Variants in ENPP3 observed in about 807,000 individuals in gnomAD.
ENPP3 encodes ectonucleotide pyrophosphatase/phosphodiesterase family member 3.
Under a neutral mutation model 117.8 loss-of-function variants are expected in ENPP3, and 104 were observed. The observed-to-expected ratio is 0.88, with a 90% confidence interval of 0.75 to 1.04. The LOEUF is 1.04. Among genes scored for constraint, ENPP3 ranks in the 50% least tolerant of loss-of-function variants. ENPP3 has a pLI of 0.00. For missense variants in ENPP3, 1,026 were observed against 1,051.9 expected, an observed-to-expected ratio of 0.98 and a Z score of 0.34; for synonymous variants, 380 against 349.9, an observed-to-expected ratio of 1.09 and a Z score of -0.96.
intron 11 of ENPP3, among the ~76,000 whole-genome samples, chr6:131,679,196 G>A (rs1271415834): frequency 6.6e-6 from 1 of 151,370 alleles, no homozygotes; most frequent in African/African-American, 2.4e-5. Flanking sequence ...CCGGATTCAA[G>A]CAGTTCTCCT....
At chr6:131,660,317 T>G (rs555289237) in intron 6 of ENPP3, among the ~76,000 whole-genome samples, 6 of 152,230 alleles carry the variant, frequency 3.9e-5, no homozygotes, top group Admixed American at 6.5e-5. Flanking sequence ...CTGCCTGAGT[T>G]GGGCCACCAT....
At chr6:131,675,296 A>C in intron 9 of ENPP3, 107 bp downstream of exon 9, 2 of 694,682 alleles carry the variant, frequency 2.9e-6, no homozygotes, top group Non-Finnish European at 5.1e-6. Context: ...TAAGCCAAAA[A>C]TCTTGGGAAT....
Position 131,722,236 on chromosome 6 carries a change from G to T in ENPP3, c.1577G>T (p.Arg526Leu), listed in dbSNP as rs370856361. 5 of 1,610,568 alleles carry T rather than the reference G, an allele frequency of 3.1e-6. No individual in the cohort carries two copies. Among genetic ancestry groups the T allele is most frequent in the Non-Finnish European group, 3.4e-6 (4 of 1,178,882 alleles). ...TTTTTTCAAAAAACAGATCTTCTAC[G>T]CATTCAACCAGCACCAAACAATGGA... ...EVYNLMCDLL[R>L]IQPAPNNGTH... The change falls in exon 18 of 25, where the codon CGC becomes CTC. Residue 526 changes from arginine (R) to leucine (L), a missense_variant. Arg to Leu is a moderately radical substitution (Grantham distance 102, BLOSUM62 -2). Transcript: ENST00000357639.
intron 3 of ENPP3, among the ~76,000 whole-genome samples, 161 bp from the exon 4 acceptor site, chr6:131,652,381 G>A (rs1199051522): frequency 6.6e-6 from 1 of 152,240 alleles, no homozygotes; most frequent in African/African-American, 2.4e-5. Flanking sequence ...GTGAAGAAAA[G>A]TGGTGGTTTG....
At chr6:131,638,610 G>C (rs1457559324) in intron 1 of ENPP3, 1 of 358,220 alleles carries the variant, frequency 2.8e-6, no homozygotes, top group Admixed American at 4.0e-5. Context: ...TTTTTTTGTA[G>C]AGACTGGGTT....
Position 131,673,246 on chromosome 6 carries a change from C to T in ENPP3, c.643-916C>T, listed in dbSNP as rs527707504. Among the ~76,000 whole-genome samples, 379 of 151,942 alleles carry T rather than the reference C, an allele frequency of 2.5e-3. 2 individuals are homozygous for T. The highest frequency in any genetic ancestry group is 8.9e-3 in the African/African-American group (368 of 41,442). On this transcript the variant is annotated intron_variant, in intron 7 of 24. Coordinates refer to ENST00000357639, the MANE Select transcript of ENPP3 (RefSeq NM_005021.5). ...CCTCCATATGTGTGGGTTCTGAATCCGTGGATTCAACTAACTGTGGATTGA... is the reference window on the plus strand; with the variant it reads ...CCTCCATATGTGTGGGTTCTGAATCTGTGGATTCAACTAACTGTGGATTGA...
At chr6:131,713,803 G>C (rs1779837433) in intron 15 of ENPP3, among the ~76,000 whole-genome samples, 1 of 152,016 alleles carries the variant, frequency 6.6e-6, no homozygotes, top group South Asian at 2.1e-4. Context: ...CTGTTGTCCT[G>C]TTGCCCAGGC....
At position 131,650,084 on chromosome 6, in the gene ENPP3, G is replaced by T. The variant is rs200264197; in HGVS notation, c.212G>T (p.Cys71Phe). Reference sequence around the variant, plus strand: ...TTTAGAGGACTGGAGAACTGCCGGTGTGATGTGGCATGTAAAGACCGAGGT... The same window carrying T: ...TTTAGAGGACTGGAGAACTGCCGGTTTGATGTGGCATGTAAAGACCGAGGT... ...ASFRGLENCR[C>F]DVACKDRGDC... Residue 71 changes from cysteine to phenylalanine, a missense_variant, in exon 3 of 25, where the codon TGT becomes TTT. Cys to Phe is a radical substitution (Grantham distance 205, BLOSUM62 -2). Transcript: ENST00000357639. 6.2e-7 allele frequency: 1 copy of T among 1,614,058 alleles called. No homozygotes were observed. The highest frequency in any genetic ancestry group is 1.3e-5 in the African/African-American group (1 of 75,028).
chr6:131,646,313 T>G (rs917568572), intron 2 of ENPP3, among the ~76,000 whole-genome samples: 1 of 151,328 alleles, frequency 6.6e-6, no homozygotes, highest in Non-Finnish European at 1.5e-5. Flanking sequence ...TGTGTGTTGT[T>G]ATTTTAACTC....
Position 131,722,216 on chromosome 6 carries a change from T to C in ENPP3, c.1568-11T>C, listed in dbSNP as rs759975825. The C allele has an allele frequency of 1.7e-5, 28 of 1,603,818 alleles. No homozygotes were observed. Among genetic ancestry groups the C allele is most frequent in the Non-Finnish European group, 2.2e-5 (26 of 1,175,928 alleles). On this transcript the variant is annotated splice_polypyrimidine_tract_variant and intron_variant, in intron 17 of 24. Transcript: ENST00000357639. ...GTAAAGCTACTTTGAACTAATTTTT[T>C]CAAAAAACAGATCTTCTACGCATTC...
intron 7 of ENPP3, 96 bp downstream of exon 7, chr6:131,671,423 A>G (rs1778739298): frequency 2.6e-6 from 2 of 755,740 alleles, no homozygotes; most frequent in Admixed American, 2.2e-5. Context: ...TCTGTGACTT[A>G]CCCTTCTGAA....
At chr6:131,675,239 A>T (rs1489006131) in intron 9 of ENPP3, 50 bp downstream of exon 9, 2 of 1,196,258 alleles carry the variant, frequency 1.7e-6, no homozygotes, top group South Asian at 1.2e-5. Context: ...AATGATCAAG[A>T]TGTTTTCTGT....
chr6:131,727,487 G>A (rs555791937), intron 20 of ENPP3, among the ~76,000 whole-genome samples: 2 of 149,450 alleles, frequency 1.3e-5, no homozygotes, highest in East Asian at 4.0e-4. Flanking sequence ...CCCGGGAGGT[G>A]GAGGTTGCAG....
At chr6:131,654,683 TC>T (rs1440361454) in intron 5 of ENPP3, among the ~76,000 whole-genome samples, 2 of 152,030 alleles carry the variant, frequency 1.3e-5, no homozygotes, top group Non-Finnish European at 1.5e-5. Flanking sequence ...GCTCAAGTGA[TC>T]CTGCCATCTT....
intron 15 of ENPP3, chr6:131,700,749 A>G (rs1779507685): frequency 6.5e-7 from 1 of 1,538,756 alleles, no homozygotes; most frequent in Non-Finnish European, 8.7e-7. Flanking sequence ...GAGGATGCAC[A>G]TATATGAAAC....
At position 131,650,151 on chromosome 6, in the gene ENPP3, T is replaced by A. The variant is rs764199245; in HGVS notation, c.277+2T>A. The A allele has an allele frequency of 6.2e-7, 1 of 1,613,940 alleles. No individual in the cohort carries two copies. The highest frequency in any genetic ancestry group is 8.5e-7 in the Non-Finnish European group (1 of 1,179,886). On this transcript the variant is annotated splice_donor_variant, in intron 3 of 24. Transcript: ENST00000357639. LOFTEE classifies it high-confidence loss of function. ...TTGAAGACACCTGTGTGGAATCAAGTATGAGTTCTGAGAATAAGTTTATTA... is the reference window on the plus strand; with the variant it reads ...TTGAAGACACCTGTGTGGAATCAAGAATGAGTTCTGAGAATAAGTTTATTA...
At chr6:131,725,271 T>C (rs921667085) in intron 19 of ENPP3, among the ~76,000 whole-genome samples, 1 of 152,070 alleles carries the variant, frequency 6.6e-6, no homozygotes, top group Non-Finnish European at 1.5e-5. Context: ...CAACCTAATA[T>C]AACAAGATGC....
At chr6:131,643,415 G>A (rs979936834) in intron 2 of ENPP3, among the ~76,000 whole-genome samples, 1 of 152,098 alleles carries the variant, frequency 6.6e-6, no homozygotes, top group Non-Finnish European at 1.5e-5. Context: ...CTGGCTTCCC[G>A]GAGTCATTTT....
intron 6 of ENPP3, among the ~76,000 whole-genome samples, chr6:131,668,696 C>G (rs975872568): frequency 2.0e-5 from 3 of 151,932 alleles, no homozygotes. Flanking sequence ...AAGTAAAATA[C>G]ACACGTAAAC....
Sources: gnomAD v4.1 joint callset for allele counts (sites outside exome capture counted in the v4.1 genomes callset) on GRCh38, gnomAD v4.1.1 for gene constraint, MANE v1.5 for transcripts, NCBI Gene and HGNC (gene_info 2026-07-23, HGNC 2026-07-21) for gene names.